Variants in GRHL2 observed in about 807,000 individuals in gnomAD.
GRHL2 encodes grainyhead like transcription factor 2.
GRHL2 carries 21 observed loss-of-function variants against 83.8 expected under a neutral mutation model. The observed-to-expected ratio is 0.25, with a 90% CI of 0.18 to 0.36. The LOEUF is 0.36. Among genes scored for constraint, GRHL2 ranks in the 10% least tolerant of loss-of-function variants. GRHL2 has a pLI of 1.00. For missense variants in GRHL2, 623 were observed against 781.8 expected (o/e 0.80, Z 2.42); for synonymous variants, 280 against 278.9 (o/e 1.00, Z -0.04).
chr8:101,669,349 A>G lies in GRHL2; in HGVS notation c.*2646A>G, dbSNP rs1814158764. ...AAACTTACTTTATGAGTGTTTGTTT[A>G]GAAGTTCGGACCAACAGAAAAATGC... On this transcript the variant is annotated 3_prime_UTR_variant, in exon 16 of 16. Coordinates refer to ENST00000646743, the MANE Select transcript of GRHL2 (RefSeq NM_024915.4). 6.8e-6 allele frequency: 1 copy of G among 146,214 alleles called. No individual in the cohort carries two copies. Among genetic ancestry groups the G allele is most frequent in the African/African-American group, 2.5e-5 (1 of 39,912 alleles). The allele number at this position is 146,214 out of a possible 1,614,324, so 9.1% of individuals were successfully genotyped here.
At position 101,666,583 on chromosome 8, in the gene GRHL2, T is replaced by C. The variant is rs777229854; in HGVS notation, c.1764-6T>C. The C allele has an allele frequency of 2.5e-6, 4 of 1,569,654 alleles. No homozygotes were observed. Among genetic ancestry groups the C allele is most frequent in the Non-Finnish European group, 3.5e-6 (4 of 1,139,512 alleles). ...GTTTTTCACACCCCTCCCCCCTCCA[T>C]GGCAGCATCTTGGTGAACATGGATG... is the stretch of plus-strand genomic sequence containing the variant. On this transcript the variant is annotated splice_region_variant and splice_polypyrimidine_tract_variant and intron_variant, in intron 15 of 15. Transcript: ENST00000646743.
chr8:101,617,945 C>T (rs977856891), intron 8 of GRHL2, among the ~76,000 whole-genome samples: 2 of 152,138 alleles, frequency 1.3e-5, no homozygotes, highest in African/African-American at 4.8e-5. Flanking sequence ...ATAAGATAAG[C>T]ATTAAATAGT....
chr8:101,640,053 CAGTT>C (rs1365465757), intron 12 of GRHL2, among the ~76,000 whole-genome samples: 3 of 152,220 alleles, frequency 2.0e-5, no homozygotes, highest in Admixed American at 1.3e-4. Context: ...GGGGATATGA[CAGTT>C]AGAAACAGTC....
intron 1 of GRHL2, among the ~76,000 whole-genome samples, chr8:101,535,489 G>A (rs776556208): frequency 6.6e-6 from 1 of 152,092 alleles, no homozygotes; most frequent in East Asian, 1.9e-4. Flanking sequence ...CACTGTTTTG[G>A]TGTCATTCTT....
intron 1 of GRHL2, 95 bp downstream of exon 1, chr8:101,492,884 T>G: frequency 8.7e-7 from 1 of 1,150,888 alleles, no homozygotes; most frequent in East Asian, 2.3e-5. Flanking sequence ...TTGCTATTGT[T>G]GGTATTTTTC....
At chr8:101,594,182 G>T (rs1395521214) in intron 7 of GRHL2, among the ~76,000 whole-genome samples, 1 of 151,182 alleles carries the variant, frequency 6.6e-6, no homozygotes, top group Non-Finnish European at 1.5e-5. Context: ...GGAGATCGGA[G>T]TCACACACCG....
intron 1 of GRHL2, among the ~76,000 whole-genome samples, chr8:101,502,550 G>A (rs531030076): frequency 6.6e-6 from 1 of 152,300 alleles, no homozygotes; most frequent in South Asian, 2.1e-4. Context: ...TAGAAAAGTG[G>A]TACAAGAAAA....
chr8:101,539,958 T>C (rs1811119220), intron 1 of GRHL2, among the ~76,000 whole-genome samples: 1 of 152,200 alleles, frequency 6.6e-6, no homozygotes, highest in South Asian at 2.1e-4. Flanking sequence ...TAAAGAACAT[T>C]ATGTCACGTG....
chr8:101,548,931 A>G (rs112263581), intron 2 of GRHL2, among the ~76,000 whole-genome samples: 1 of 152,068 alleles, frequency 6.6e-6, no homozygotes, highest in Non-Finnish European at 1.5e-5. Flanking sequence ...CTATTCTTCT[A>G]TTTCTTTGGT....
At chr8:101,513,906 C>A (rs934611819) in intron 1 of GRHL2, among the ~76,000 whole-genome samples, 5 of 152,138 alleles carry the variant, frequency 3.3e-5, no homozygotes, top group Non-Finnish European at 7.4e-5. Context: ...TTATCTATTC[C>A]TTGAAGGTTG....
chr8:101,666,837 G>T lies in GRHL2; in HGVS notation c.*134G>T, dbSNP rs547600634. The T allele has an allele frequency of 2.8e-6, 2 of 714,270 alleles. No individual in the cohort carries two copies. Among genetic ancestry groups the T allele is most frequent in the East Asian group, 5.4e-5 (2 of 37,310 alleles). 44.2% of individuals were successfully genotyped at this position (714,270 alleles called of 1,614,324 possible). On this transcript the variant is annotated 3_prime_UTR_variant, in exon 16 of 16. Transcript: ENST00000646743. ...TGCTGTTACAAGACCGTGCTGGGGA[G>T]TGGGGCAAGGGACAGGCCCCACTGT...
chr8:101,530,596 T>G (rs1249934298), intron 1 of GRHL2, among the ~76,000 whole-genome samples: 1 of 152,218 alleles, frequency 6.6e-6, no homozygotes, highest in Non-Finnish European at 1.5e-5. Flanking sequence ...TGACCTCTAG[T>G]TGTATTATAC....
chr8:101,664,683 T>C (rs1425213413), intron 15 of GRHL2, among the ~76,000 whole-genome samples, 165 bp downstream of exon 15: 1 of 152,066 alleles, frequency 6.6e-6, no homozygotes, highest in Non-Finnish European at 1.5e-5. Context: ...TGGAAGATCT[T>C]TAGGAGAGAG....
chr8:101,537,163 A>G (rs962942997), intron 1 of GRHL2, among the ~76,000 whole-genome samples: 5 of 152,090 alleles, frequency 3.3e-5, no homozygotes, highest in African/African-American at 1.2e-4. Flanking sequence ...CATTTTCTTT[A>G]TCCATTCTTC....
chr8:101,645,884 A>T (rs1006457700), intron 13 of GRHL2, among the ~76,000 whole-genome samples: 15 of 151,896 alleles, frequency 9.9e-5, no homozygotes, highest in Middle Eastern at 6.8e-3. Flanking sequence ...TTTAAAAAAA[A>T]TTTTTTTTTG....
intron 7 of GRHL2, among the ~76,000 whole-genome samples, chr8:101,595,328 T>C (rs749567461): frequency 1.5e-4 from 23 of 152,236 alleles, no homozygotes; most frequent in Non-Finnish European, 3.2e-4. Flanking sequence ...ATTTTTTATG[T>C]GGAGAAGCTA....
chr8:101,624,245 G>A (rs1813031094), intron 9 of GRHL2, among the ~76,000 whole-genome samples: 1 of 151,582 alleles, frequency 6.6e-6, no homozygotes, highest in Non-Finnish European at 1.5e-5. Flanking sequence ...GTACGCAGTA[G>A]GACAGTACAC....
intron 7 of GRHL2, among the ~76,000 whole-genome samples, chr8:101,588,922 C>T (rs960407871): frequency 5.9e-5 from 9 of 152,112 alleles, no homozygotes; most frequent in Non-Finnish European, 1.0e-4. Flanking sequence ...AAATTATAGT[C>T]GGTTTAACCA....
At chr8:101,611,575 C>T (rs1004157342) in intron 8 of GRHL2, among the ~76,000 whole-genome samples, 4 of 150,904 alleles carry the variant, frequency 2.7e-5, no homozygotes, top group Non-Finnish European at 5.9e-5. Flanking sequence ...TCACCTTCCT[C>T]TCCTCCCTTC....
Sources: gnomAD v4.1 joint callset for allele counts (sites outside exome capture counted in the v4.1 genomes callset) on GRCh38, gnomAD v4.1.1 for gene constraint, MANE v1.5 for transcripts, NCBI Gene and HGNC (gene_info 2026-07-23, HGNC 2026-07-21) for gene names.